The following MREG variants were observed in gnomAD, a reference collection of about 807,000 sequenced individuals.
The protein encoded by MREG is dilute suppressor protein homolog.
MREG carries 31 observed loss-of-function variants against 28.5 expected under a neutral mutation model. The observed-to-expected ratio is 1.09, with a 90% CI of 0.82 to 1.47. The LOEUF (loss-of-function observed/expected upper bound fraction) is 1.47, where lower values mean the gene tolerates loss of function less well. Among genes scored for constraint, MREG ranks in the 40% most tolerant of loss-of-function variants. The pLI, the probability that MREG is intolerant of heterozygous loss-of-function variation, is 0.00. For synonymous variants in MREG, 106 were observed against 95.2 expected (o/e 1.11, Z -0.66); for missense variants, 256 against 257.4 (o/e 0.99, Z 0.04).
intron 1 of MREG, among the ~76,000 whole-genome samples, chr2:216,002,973 CTT>C (rs1460978019): frequency 2.0e-5 from 3 of 151,330 alleles, no homozygotes; most frequent in Admixed American, 2.0e-4. Context: ...TTCTCTCTCT[CTT>C]TTCTCTCTTT....
At chr2:215,997,744 G>A (rs3770551) in intron 1 of MREG, among the ~76,000 whole-genome samples, 66,100 of 152,064 alleles carry the variant, frequency 0.43, 15,564 homozygotes, top group Non-Finnish European at 0.53. Flanking sequence ...TCATGAAGAA[G>A]AGGTGCTGGA....
At chr2:216,022,101 G>A (rs1029706577) in intron 1 of MREG, among the ~76,000 whole-genome samples, 17 of 152,098 alleles carry the variant, frequency 1.1e-4, no homozygotes, top group African/African-American at 3.9e-4. Flanking sequence ...AGAAAAATTA[G>A]CTGGGTGTGG....
At chr2:215,996,938 G>A (rs1456889161) in intron 1 of MREG, among the ~76,000 whole-genome samples, 4 of 151,974 alleles carry the variant, frequency 2.6e-5, no homozygotes, top group Admixed American at 6.6e-5. Context: ...CTGCCACCAC[G>A]CCCGGATAAT....
At chr2:216,020,212 C>CA (rs201963219) in intron 1 of MREG, among the ~76,000 whole-genome samples, 3,196 of 152,162 alleles carry the variant, frequency 0.021, 59 homozygotes, top group Middle Eastern at 0.078. Context: ...TTATTAAGGA[C>CA]AAAAAACATC....
chr2:215,957,707 T>A (rs1409558953), intron 2 of MREG, among the ~76,000 whole-genome samples: 1 of 152,100 alleles, frequency 6.6e-6, no homozygotes, highest in African/African-American at 2.4e-5. Context: ...GGTACCTCCT[T>A]GGCTCTTCCC....
chr2:216,011,723 AG>A (rs967400704), intron 1 of MREG, among the ~76,000 whole-genome samples: 17 of 18,204 alleles, frequency 9.3e-4, no homozygotes, highest in Non-Finnish European at 1.8e-3. Context: ...AGAGCATCTA[AG>A]ATTTTAAAAC....
At chr2:215,953,956 G>T (rs1692550476) in intron 2 of MREG, among the ~76,000 whole-genome samples, 1 of 152,226 alleles carries the variant, frequency 6.6e-6, no homozygotes, top group Non-Finnish European at 1.5e-5. Context: ...AGGGCTTACA[G>T]TGGATGCAGT....
chr2:216,010,354 C>CTTTTTTTTTTTTT (rs1164326774), intron 1 of MREG, among the ~76,000 whole-genome samples: 8 of 94,380 alleles, frequency 8.5e-5, no homozygotes, highest in South Asian at 4.0e-4. Context: ...AAAGATTTCT[C>CTTTTTTTTTTTTT]TTTTTTTTTT....
intron 2 of MREG, among the ~76,000 whole-genome samples, chr2:215,978,669 A>C (rs906895164): frequency 2.6e-5 from 4 of 152,208 alleles, no homozygotes; most frequent in Non-Finnish European, 5.9e-5. Flanking sequence ...GCAGCACATC[A>C]AAAAGGTTAT....
chr2:215,946,954 G>A (rs1692339558), intron 3 of MREG, 69 bp downstream of exon 3: 1 of 907,244 alleles, frequency 1.1e-6, no homozygotes, highest in Non-Finnish European at 1.8e-6. Flanking sequence ...AAAAACCATG[G>A]TGGAGAAATT....
intron 2 of MREG, among the ~76,000 whole-genome samples, chr2:215,955,468 T>C (rs190996367): frequency 4.6e-5 from 7 of 152,314 alleles, no homozygotes; most frequent in African/African-American, 1.4e-4. Context: ...TAAAAGAATA[T>C]GCCATGCTGC....
intron 1 of MREG, among the ~76,000 whole-genome samples, chr2:216,001,259 G>A (rs1694007176): frequency 6.6e-6 from 1 of 152,182 alleles, no homozygotes; most frequent in Non-Finnish European, 1.5e-5. Flanking sequence ...CTGTTTAGAA[G>A]TGCCCATGTC....
intron 2 of MREG, among the ~76,000 whole-genome samples, chr2:215,948,448 T>C (rs190987960): frequency 8.9e-4 from 135 of 152,338 alleles, no homozygotes; most frequent in Admixed American, 1.4e-3. Flanking sequence ...TGCATGGTGA[T>C]TGGGGTCAGG....
intron 1 of MREG, among the ~76,000 whole-genome samples, chr2:216,010,354 C>CTTTTTTT (rs1164326774): frequency 0.062 from 5,825 of 94,172 alleles, 533 homozygotes; most frequent in Middle Eastern, 0.09. Flanking sequence ...AAAGATTTCT[C>CTTTTTTT]TTTTTTTTTT....
upstream of MREG, among the ~76,000 whole-genome samples, chr2:216,016,044 T>C (rs3755156): frequency 0.14 from 20,987 of 152,150 alleles, 1,789 homozygotes; most frequent in South Asian, 0.22. Context: ...ACATAATTCA[T>C]TGAAAGGCTA....
At chr2:216,017,799 G>A (rs370947375), upstream of MREG, among the ~76,000 whole-genome samples, 1 of 152,000 alleles carries the variant, frequency 6.6e-6, no homozygotes, top group Non-Finnish European at 1.5e-5. Context: ...ATTTTTTTAC[G>A]ACTTCTGGGA....
chr2:215,951,489 T>A (rs1044529569), intron 2 of MREG, among the ~76,000 whole-genome samples: 10 of 152,268 alleles, frequency 6.6e-5, no homozygotes, highest in Non-Finnish European at 1.3e-4. Flanking sequence ...TCTAAAGTAA[T>A]ATTTTATTTG....
At chr2:215,949,003 T>TA (rs34117437) in intron 2 of MREG, among the ~76,000 whole-genome samples, 10,778 of 147,468 alleles carry the variant, frequency 0.073, 527 homozygotes, top group Non-Finnish European at 0.11. Context: ...AGGAGTTCGA[T>TA]ACCAGCCTGG....
chr2:215,987,945 A>G (rs575483295), intron 2 of MREG, among the ~76,000 whole-genome samples: 2 of 152,284 alleles, frequency 1.3e-5, no homozygotes, highest in African/African-American at 4.8e-5. Flanking sequence ...AAAAAAGAAG[A>G]AGGAAGCACT....
Sources: allele counts gnomAD v4.1 joint callset (sites outside exome capture counted in the v4.1 genomes callset), GRCh38; gene constraint gnomAD v4.1.1; transcripts MANE v1.5; gene names NCBI Gene and HGNC (gene_info 2026-07-23, HGNC 2026-07-21).